THSD7B: variants seen among roughly 807,000 people sequenced by gnomAD.
The protein encoded by THSD7B is thrombospondin type 1 domain containing 7B.
Under a neutral mutation model 213.6 loss-of-function variants are expected in THSD7B, and 138 were observed. The ratio of observed to expected loss-of-function variants is 0.65; its 90% CI spans 0.56 to 0.74. The LOEUF is 0.74. Ranked by LOEUF, THSD7B falls within the 30% of genes least tolerant of loss-of-function variation. The probability of loss-of-function intolerance (pLI) is 0.00; values close to 1 mark genes in which losing one functional copy is unlikely to be tolerated. For synonymous variants in THSD7B, 742 were observed against 687.0 expected (o/e 1.08, Z -1.25); for missense variants, 1,931 against 1,991.5 (o/e 0.97, Z 0.58).
At chr2:137,576,919 C>T (rs1639863184) in intron 17 of THSD7B, among the ~76,000 whole-genome samples, 1 of 151,162 alleles carries the variant, frequency 6.6e-6, no homozygotes, top group Admixed American at 6.6e-5. Context: ...AATTATGTTT[C>T]AGGGAAGCAA....
At chr2:137,557,327 A>G (rs540163363) in intron 15 of THSD7B, among the ~76,000 whole-genome samples, 3 of 152,340 alleles carry the variant, frequency 2.0e-5, no homozygotes, top group African/African-American at 7.2e-5. Context: ...AAGAACAGAA[A>G]TTATAACAAA....
At chr2:136,996,216 G>T (rs1256837562) in intron 2 of THSD7B, among the ~76,000 whole-genome samples, 2 of 152,128 alleles carry the variant, frequency 1.3e-5, no homozygotes, top group Admixed American at 1.3e-4. Flanking sequence ...CTGGATGAAG[G>T]TACTCCACAA....
At chr2:137,237,950 T>C (rs1420521875) in intron 9 of THSD7B, among the ~76,000 whole-genome samples, 1 of 152,186 alleles carries the variant, frequency 6.6e-6, no homozygotes, top group African/African-American at 2.4e-5. Flanking sequence ...ATTTCTTCTA[T>C]AATAGCACTG....
chr2:136,797,272 G>C (rs1398929066), intron 1 of THSD7B, among the ~76,000 whole-genome samples: 1 of 151,854 alleles, frequency 6.6e-6, no homozygotes, highest in Non-Finnish European at 1.5e-5. Context: ...CTTCCCTCAA[G>C]TCAAGGGAAA....
At chr2:137,220,252 A>AG (rs1491582255) in intron 7 of THSD7B, among the ~76,000 whole-genome samples, 5 of 134,290 alleles carry the variant, frequency 3.7e-5, no homozygotes, top group African/African-American at 1.1e-4. Flanking sequence ...GGAAAAAAAA[A>AG]AGACTCTAAA....
At chr2:137,487,091 G>A (rs1300814673) in intron 15 of THSD7B, among the ~76,000 whole-genome samples, 2 of 148,762 alleles carry the variant, frequency 1.3e-5, no homozygotes, top group Non-Finnish European at 2.9e-5. Context: ...GAACTAGGCC[G>A]GGCGCGGTGG....
chr2:137,354,357 T>C (rs544702920), intron 12 of THSD7B, among the ~76,000 whole-genome samples: 48 of 152,184 alleles, frequency 3.2e-4, no homozygotes, highest in African/African-American at 1.0e-3. Flanking sequence ...CTTTTAAAAC[T>C]CTATTTTTAA....
intron 7 of THSD7B, among the ~76,000 whole-genome samples, chr2:137,200,320 C>T (rs1680849730): frequency 6.6e-6 from 1 of 152,026 alleles, no homozygotes; most frequent in Non-Finnish European, 1.5e-5. Flanking sequence ...TTTAAATCTC[C>T]ATTTGAACCC....
At chr2:136,945,785 G>A (rs762372897) in intron 2 of THSD7B, among the ~76,000 whole-genome samples, 50 of 152,026 alleles carry the variant, frequency 3.3e-4, no homozygotes, top group Admixed American at 1.9e-3. Flanking sequence ...TTGTGCATGC[G>A]TCACGTGGTT....
chr2:137,335,661 G>T (rs957012228), intron 12 of THSD7B, among the ~76,000 whole-genome samples: 2 of 152,170 alleles, frequency 1.3e-5, no homozygotes, highest in African/African-American at 2.4e-5. Context: ...AAGGACAGAG[G>T]GGGTAGTAAG....
intron 12 of THSD7B, among the ~76,000 whole-genome samples, chr2:137,282,894 T>C (rs1683063533): frequency 6.6e-6 from 1 of 152,214 alleles, no homozygotes; most frequent in Admixed American, 6.5e-5. Context: ...GTGGGCTCTT[T>C]TTTGGTTCCA....
At chr2:137,526,252 A>G (rs1680275550) in intron 15 of THSD7B, among the ~76,000 whole-genome samples, 1 of 152,130 alleles carries the variant, frequency 6.6e-6, no homozygotes, top group Non-Finnish European at 1.5e-5. Flanking sequence ...GAAAAGTAAA[A>G]TATTAACCTA....
At chr2:137,095,580 A>G (rs2104919501) in intron 4 of THSD7B, among the ~76,000 whole-genome samples, 1 of 152,296 alleles carries the variant, frequency 6.6e-6, no homozygotes, top group African/African-American at 2.4e-5. Flanking sequence ...CAGTACCCTG[A>G]TTCTAACTCA....
chr2:137,568,870 G>A (rs1051780950), intron 16 of THSD7B, among the ~76,000 whole-genome samples: 2 of 152,176 alleles, frequency 1.3e-5, no homozygotes, highest in Non-Finnish European at 2.9e-5. Flanking sequence ...GAAACCTAGT[G>A]AAACAGGAAT....
At chr2:137,556,010 C>T (rs560243082) in intron 15 of THSD7B, among the ~76,000 whole-genome samples, 15 of 151,956 alleles carry the variant, frequency 9.9e-5, no homozygotes, top group African/African-American at 2.2e-4. Context: ...GAAAAAGAAA[C>T]GAACAAAGCC....
intron 2 of THSD7B, among the ~76,000 whole-genome samples, chr2:137,045,497 C>T (rs1193637165): frequency 1.3e-5 from 2 of 152,146 alleles, no homozygotes; most frequent in African/African-American, 4.8e-5. Flanking sequence ...TTATTCAAAA[C>T]TTATGAATTG....
chr2:137,616,414 T>A, intron 18 of THSD7B, 98 bp downstream of exon 18: 1 of 1,113,428 alleles, frequency 9.0e-7, no homozygotes, highest in Non-Finnish European at 1.3e-6. Flanking sequence ...GAATGGAGAG[T>A]AGAATGTGTG....
chr2:136,869,826 C>A (rs528044748), intron 1 of THSD7B, among the ~76,000 whole-genome samples: 38 of 152,326 alleles, frequency 2.5e-4, no homozygotes, highest in African/African-American at 8.7e-4. Context: ...GTAATCCCAG[C>A]ACTTTGGGAG....
chr2:137,395,564 C>T (rs1478916193), intron 12 of THSD7B, among the ~76,000 whole-genome samples: 1 of 151,962 alleles, frequency 6.6e-6, no homozygotes, highest in African/African-American at 2.4e-5. Flanking sequence ...ATTTGTTTTG[C>T]CAGTATTTTA....
Sources: gnomAD v4.1 joint callset for allele counts (sites outside exome capture counted in the v4.1 genomes callset) on GRCh38, gnomAD v4.1.1 for gene constraint, MANE v1.5 for transcripts, NCBI Gene and HGNC (gene_info 2026-07-23, HGNC 2026-07-21) for gene names.